Variants in CALCR observed in about 807,000 individuals in gnomAD.
The protein encoded by CALCR is calcitonin receptor.
A neutral mutation model predicts 59.5 loss-of-function variants in CALCR; 47 were observed. The observed-to-expected ratio is 0.79, with a 90% CI of 0.63 to 1.01. The LOEUF (loss-of-function observed/expected upper bound fraction) is 1.01. Among genes scored for constraint, CALCR ranks in the 50% least tolerant of loss-of-function variants. The probability of loss-of-function intolerance (pLI) is 0.00; values close to 1 mark genes in which losing one functional copy is unlikely to be tolerated. For missense variants in CALCR, 566 were observed against 597.1 expected, an observed-to-expected ratio of 0.95 and a Z score of 0.54; for synonymous variants, 213 against 211.3, an observed-to-expected ratio of 1.01 and a Z score of -0.07.
chr7:93,559,533 G>A (rs756338762), intron 2 of CALCR: 1 of 151,942 alleles, frequency 6.6e-6, no homozygotes, highest in African/African-American at 2.4e-5. Context: ...GAAATAAACT[G>A]CAGTCCCAAT....
rs35342665 is a variant in CALCR at position 93,438,087 on chromosome 7, G to T, written c.903C>A (p.Ile301=). 8.6e-4 allele frequency: 1,388 copies of T among 1,613,890 alleles called. 8 individuals carry two copies. The African/African-American group carries it at 0.016, about 19-fold the overall frequency. Reference sequence around the variant, plus strand: ...CAAGTGCCGCCATGACAGGTCCATGGATTATGTAAAGCAAATGGGTTTCCA... The same window carrying T: ...CAAGTGCCGCCATGACAGGTCCATGTATTATGTAAAGCAAATGGGTTTCCA... The part of the protein sequence containing the change: ...LSVETHLLYI[I]HGPVMAALVV... Residue 301 remains isoleucine, a synonymous_variant, in exon 11 of 14, where the codon ATC becomes ATA. Coordinates refer to ENST00000426151, the MANE Select transcript of CALCR (RefSeq NM_001742.4).
intron 7 of CALCR, among the ~76,000 whole-genome samples, chr7:93,465,549 C>T (rs1383294933): frequency 2.0e-5 from 3 of 151,938 alleles, no homozygotes; most frequent in Admixed American, 6.6e-5. Context: ...TGCATATCAT[C>T]TTGACTATTA....
chr7:93,559,951 T>C (rs1789706705), intron 2 of CALCR: 1 of 152,138 alleles, frequency 6.6e-6, no homozygotes, highest in South Asian at 2.1e-4. Context: ...CTTTTAAGTT[T>C]GTGATACTCA....
intron 2 of CALCR, among the ~76,000 whole-genome samples, chr7:93,563,845 T>C (rs929441580): frequency 1.3e-5 from 2 of 152,202 alleles, no homozygotes; most frequent in Non-Finnish European, 2.9e-5. Flanking sequence ...TAGCTGTGTG[T>C]TCTTCAGTAG....
At chr7:93,510,269 C>T (rs1202499685) in intron 2 of CALCR, among the ~76,000 whole-genome samples, 1 of 152,076 alleles carries the variant, frequency 6.6e-6, no homozygotes, top group African/African-American at 2.4e-5. Context: ...TTTTCTGGTT[C>T]AGAGTAACAT....
intron 2 of CALCR, among the ~76,000 whole-genome samples, chr7:93,545,617 C>T (rs1789266794): frequency 1.3e-5 from 2 of 152,078 alleles, no homozygotes; most frequent in African/African-American, 4.8e-5. Flanking sequence ...CCTATGCTGG[C>T]AAGAAGTATA....
At chr7:93,531,901 C>A (rs1423365538) in intron 2 of CALCR, among the ~76,000 whole-genome samples, 1 of 151,810 alleles carries the variant, frequency 6.6e-6, no homozygotes, top group Non-Finnish European at 1.5e-5. Context: ...TTTTAAAATT[C>A]ATTGATCTGA....
At chr7:93,522,150 T>C (rs1218949085) in intron 2 of CALCR, among the ~76,000 whole-genome samples, 1 of 152,104 alleles carries the variant, frequency 6.6e-6, no homozygotes, top group African/African-American at 2.4e-5. Context: ...ACTCACATCA[T>C]AGAAAAAGCC....
intron 2 of CALCR, among the ~76,000 whole-genome samples, chr7:93,536,295 C>T (rs1363535895): frequency 6.6e-6 from 1 of 151,756 alleles, no homozygotes; most frequent in Admixed American, 6.6e-5. Context: ...GTCACTAGGC[C>T]TAGCCATTAA....
At chr7:93,506,958 A>G (rs955246849) in intron 2 of CALCR, among the ~76,000 whole-genome samples, 1 of 152,164 alleles carries the variant, frequency 6.6e-6, no homozygotes, top group Admixed American at 6.5e-5. Flanking sequence ...TACCTTGCAC[A>G]TGCTCTCTTG....
chr7:93,564,671 C>T (rs2023773), intron 2 of CALCR, among the ~76,000 whole-genome samples: 27,297 of 151,796 alleles, frequency 0.18, 3,343 homozygotes, highest in Non-Finnish European at 0.26. Flanking sequence ...CCAGGCTGGC[C>T]TTGAATTCCT....
rs985006041 is a variant in CALCR, at chr7:93,486,962, C to A, written c.20G>T (p.Ser7Ile). 1.2e-6 allele frequency: 2 copies of A among 1,600,526 alleles called. No individual in the cohort carries two copies. The highest frequency in any genetic ancestry group is 1.7e-6 in the Non-Finnish European group (2 of 1,170,630). The change falls in exon 3 of 14, where the codon AGC becomes ATC. Residue 7 changes from serine (S) to isoleucine (I), a missense_variant. Transcript: ENST00000426151. MRFTFTSRCLALFLLLN... is the reference protein window; with the variant it reads MRFTFTIRCLALFLLLN... ...AAGAAGAAACAGTGCCAAGCACCGG[C>A]TTGTAAATGTGAACCTCATTTTTGA...
intron 13 of CALCR, among the ~76,000 whole-genome samples, chr7:93,429,929 TG>T (rs368637308): frequency 0.1 from 9,750 of 96,022 alleles, 689 homozygotes; most frequent in East Asian, 0.21. Flanking sequence ...TTTTTTTGTT[TG>T]TTTGTTTTTT....
chr7:93,430,469 C>T (rs1333245849), intron 13 of CALCR, among the ~76,000 whole-genome samples: 4 of 152,130 alleles, frequency 2.6e-5, no homozygotes, highest in African/African-American at 9.7e-5. Context: ...GATTCCCATT[C>T]ATTATCTCTT....
At chr7:93,541,461 C>A (rs1432845757) in intron 2 of CALCR, among the ~76,000 whole-genome samples, 1 of 152,106 alleles carries the variant, frequency 6.6e-6, no homozygotes, top group African/African-American at 2.4e-5. Flanking sequence ...CGCACCCGGC[C>A]TTTATCTTTA....
intron 13 of CALCR, among the ~76,000 whole-genome samples, chr7:93,433,884 C>T (rs1185120524): frequency 6.6e-6 from 1 of 152,212 alleles, no homozygotes; most frequent in African/African-American, 2.4e-5. Context: ...AGGTGAGGAA[C>T]TAGTACAAAC....
chr7:93,480,626 C>T (rs1398622766), intron 3 of CALCR, among the ~76,000 whole-genome samples: 1 of 151,748 alleles, frequency 6.6e-6, no homozygotes, highest in Non-Finnish European at 1.5e-5. Context: ...TGAATCCTCA[C>T]TGTTTTCCAT....
At chr7:93,450,368 T>C (rs1747025038) in intron 8 of CALCR, among the ~76,000 whole-genome samples, 1 of 151,970 alleles carries the variant, frequency 6.6e-6, no homozygotes, top group Admixed American at 6.6e-5. Context: ...ATTCATACAC[T>C]AAATAATACA....
At chr7:93,510,069 AT>A (rs934649106) in intron 2 of CALCR, among the ~76,000 whole-genome samples, 14 of 151,858 alleles carry the variant, frequency 9.2e-5, no homozygotes, top group African/African-American at 3.4e-4. Flanking sequence ...GACTTTTGAG[AT>A]TTTTTTTCTT....
Sources: allele counts gnomAD v4.1 joint callset (sites outside exome capture counted in the v4.1 genomes callset), GRCh38; gene constraint gnomAD v4.1.1; transcripts MANE v1.5; gene names NCBI Gene and HGNC (gene_info 2026-07-23, HGNC 2026-07-21).